The following ABL1 variants were observed in gnomAD, a reference collection of about 807,000 sequenced individuals.
The protein encoded by ABL1 is tyrosine-protein kinase ABL1.
In ABL1, 11 loss-of-function variants were observed where a neutral mutation model predicts 94.7. That is an observed-to-expected ratio of 0.12 (90% CI 0.07 to 0.19). The LOEUF is 0.19. Among genes scored for constraint, ABL1 ranks in the 10% least tolerant of loss-of-function variants. ABL1 has a pLI of 1.00. For missense variants in ABL1, 1,082 were observed against 1,489.4 expected (o/e 0.73, Z 4.50); for synonymous variants, 656 against 622.4 (o/e 1.05, Z -0.80).
At chr9:130,869,942 A>C (rs1468726672) in intron 4 of ABL1, among the ~76,000 whole-genome samples, 1 of 152,202 alleles carries the variant, frequency 6.6e-6, no homozygotes, top group Non-Finnish European at 1.5e-5. Flanking sequence ...CTCCTGCCTC[A>C]GCCTCCTGAG....
At position 130,860,095 on chromosome 9, in the gene ABL1, G is replaced by A. The variant is rs146028490; in HGVS notation, c.550-2668G>A. On this transcript the variant is annotated intron_variant, in intron 3 of 10. Transcript: ENST00000318560. ...GTGTTCATGGAACCAGGTGCATAGCGTAATGACATGCCATTCATGACACTA... is the reference window on the plus strand; with the variant it reads ...GTGTTCATGGAACCAGGTGCATAGCATAATGACATGCCATTCATGACACTA... Among the ~76,000 whole-genome samples, 499 of 152,230 alleles carry A rather than the reference G, an allele frequency of 3.3e-3. 2 individuals are homozygous for A. Among genetic ancestry groups the A allele is most frequent in the African/African-American group, 7.6e-3 (317 of 41,528 alleles).
At chr9:130,876,318 T>G (rs990187217) in intron 7 of ABL1, among the ~76,000 whole-genome samples, 3 of 152,192 alleles carry the variant, frequency 2.0e-5, no homozygotes, top group African/African-American at 7.2e-5. Context: ...ATCTGTGTGG[T>G]TACTCAGTGG....
intron 1 of ABL1, among the ~76,000 whole-genome samples, chr9:130,853,070 G>C (rs750665842): frequency 5.9e-5 from 9 of 151,976 alleles, no homozygotes; most frequent in Admixed American, 2.0e-4. Context: ...GAGAGGTGGG[G>C]GTGATCACCA....
Position 130,835,807 on chromosome 9 carries a change from G to C in ABL1, c.79+282G>C, listed in dbSNP as rs1038559391. ...GCGATGGCCCCTAGGCGCCGCCGGC[G>C]GAGCGTGGCCCCCAGCCCCGGCACC... On this transcript the variant is annotated intron_variant, in intron 1 of 10. Coordinates refer to ENST00000318560, the MANE Select transcript of ABL1 (RefSeq NM_005157.6). The surrounding 1 kb of genome is among the most constrained non-coding windows in gnomAD (Gnocchi z 4.6). 1.8e-4 allele frequency among the ~76,000 whole-genome samples: 28 copies of C among 152,202 alleles called. No homozygotes were observed. Among genetic ancestry groups the C allele is most frequent in the Admixed American group, 6.5e-4 (10 of 15,298 alleles).
intron 1 of ABL1, among the ~76,000 whole-genome samples, chr9:130,826,314 T>A (rs1457492147): frequency 6.6e-6 from 1 of 151,764 alleles, no homozygotes; most frequent in Non-Finnish European, 1.5e-5. Context: ...AGAGATGGGG[T>A]TTCGCCATGT....
At chr9:130,826,874 C>G (rs553492074) in intron 1 of ABL1, among the ~76,000 whole-genome samples, 32 of 152,162 alleles carry the variant, frequency 2.1e-4, no homozygotes, top group African/African-American at 7.5e-4. Flanking sequence ...GTCAGGAGAT[C>G]GAGACCATCC....
intron 1 of ABL1, among the ~76,000 whole-genome samples, chr9:130,815,406 T>C (rs1266860774): frequency 6.6e-6 from 1 of 152,192 alleles, no homozygotes; most frequent in Non-Finnish European, 1.5e-5. Context: ...CTTCCTTTGT[T>C]CAGTTAAACC....
intron 1 of ABL1, among the ~76,000 whole-genome samples, chr9:130,742,647 A>G (rs973622751): frequency 6.6e-6 from 1 of 152,190 alleles, no homozygotes; most frequent in Non-Finnish European, 1.5e-5. Context: ...GTGCAAATCT[A>G]AGTTTGGGGT....
chr9:130,766,577 A>G (rs963522227), intron 1 of ABL1, among the ~76,000 whole-genome samples: 4 of 151,990 alleles, frequency 2.6e-5, no homozygotes, highest in African/African-American at 9.7e-5. Context: ...TCTGTTTTTG[A>G]TGCCTTAGGA....
chr9:130,795,250 G>A (rs1340922693), intron 1 of ABL1, among the ~76,000 whole-genome samples: 1 of 152,204 alleles, frequency 6.6e-6, no homozygotes, highest in East Asian at 1.9e-4. Context: ...ATATTATGAA[G>A]TGGGTGGTTT....
intron 1 of ABL1, among the ~76,000 whole-genome samples, chr9:130,718,367 G>C (rs1345849639): frequency 6.6e-6 from 1 of 150,614 alleles, no homozygotes; most frequent in African/African-American, 2.4e-5. Context: ...TTTTGATGTA[G>C]CATCAAAGAA....
Position 130,872,312 on chromosome 9 carries a change from C to G in ABL1, c.907+99C>G. ...GCACGGGCGGCTCACTGCACAAAAC[C>G]TCGTTGGAATATTTGTGCTCTGCCG... On this transcript the variant is annotated intron_variant, in intron 5 of 10. Coordinates refer to ENST00000318560, the MANE Select transcript of ABL1 (RefSeq NM_005157.6). This position sits in a 1 kb window ranked among gnomAD's most constrained non-coding sequence, Gnocchi z 5.0. 9.0e-7 allele frequency: 1 copy of G among 1,111,390 alleles called. No individual in the cohort carries two copies. The highest frequency in any genetic ancestry group is 1.4e-5 in the South Asian group (1 of 71,966). 68.8% of individuals were successfully genotyped at this position (1,111,390 alleles called of 1,614,324 possible).
chr9:130,883,550 CA>C (rs1394178400), intron 10 of ABL1, among the ~76,000 whole-genome samples: 1 of 150,958 alleles, frequency 6.6e-6, no homozygotes, highest in Non-Finnish European at 1.5e-5. Flanking sequence ...AAGATGGGAA[CA>C]AAAAGCTGGA....
chr9:130,743,221 C>T (rs907489828), intron 1 of ABL1, among the ~76,000 whole-genome samples: 23 of 152,238 alleles, frequency 1.5e-4, no homozygotes, highest in Middle Eastern at 6.8e-3. Context: ...TACAGGCTTG[C>T]GCCACCATGC....
At position 130,878,647 on chromosome 9, in the gene ABL1, G is replaced by A. The variant is rs578035019; in HGVS notation, c.1423+80G>A. On this transcript the variant is annotated intron_variant, in intron 8 of 10. Transcript: ENST00000318560. ...AACTGTGCAGGAGTGTGTACACAAAGTTGAAAGTTTTTCCATGAGCTCTCT... is the reference window on the plus strand; with the variant it reads ...AACTGTGCAGGAGTGTGTACACAAAATTGAAAGTTTTTCCATGAGCTCTCT... The A allele has an allele frequency of 3.1e-5, 47 of 1,534,724 alleles. No homozygotes were observed. In the African/African-American group the frequency reaches 5.1e-4, roughly 17 times the overall value.
chr9:130,761,194 C>T (rs1443526036), intron 1 of ABL1, among the ~76,000 whole-genome samples: 1 of 152,164 alleles, frequency 6.6e-6, no homozygotes, highest in East Asian at 1.9e-4. Context: ...GTCTCGATCT[C>T]CTGACCTCGT....
intron 1 of ABL1, among the ~76,000 whole-genome samples, chr9:130,820,961 ACT>A (rs1330099245): frequency 2.0e-5 from 3 of 151,534 alleles, no homozygotes; most frequent in Non-Finnish European, 4.4e-5. Context: ...ACAGAGTCTC[ACT>A]CTGTCACTCA....
At chr9:130,873,117 TAGG>T in intron 6 of ABL1, 80 bp downstream of exon 6, 1 of 1,459,660 alleles carries the variant, frequency 6.9e-7, no homozygotes, top group Non-Finnish European at 9.2e-7. Context: ...AGCCCCAGCC[TAGG>T]AGGTCTCAGG....
intron 1 of ABL1, chr9:130,724,956 G>T: frequency 3.0e-6 from 1 of 333,174 alleles, no homozygotes; most frequent in South Asian, 2.8e-5. Flanking sequence ...GCCACAGGTA[G>T]ACTTCGGAAG....
Sources: gnomAD v4.1 joint callset for allele counts (sites outside exome capture counted in the v4.1 genomes callset) on GRCh38, gnomAD v4.1.1 for gene constraint, Gnocchi (gnomAD v3.1) non-coding constraint, MANE v1.5 for transcripts, NCBI Gene and HGNC (gene_info 2026-07-23, HGNC 2026-07-21) for gene names.